Variants in NUTF2 observed in about 807,000 individuals in gnomAD.
The protein encoded by NUTF2 is placental protein 15.
NUTF2 carries 3 observed loss-of-function variants against 18.5 expected under a neutral mutation model. That is an observed-to-expected ratio of 0.16 (90% confidence interval 0.07 to 0.42). NUTF2 has a LOEUF of 0.42. Ranked by LOEUF, NUTF2 falls within the 10% of genes least tolerant of loss-of-function variation. NUTF2 has a pLI of 0.99. For missense variants in NUTF2, 44 were observed against 160.7 expected (o/e 0.27, Z 3.93); for synonymous variants, 51 against 57.9 (o/e 0.88, Z 0.54).
At chr16:67,856,003 G>T in intron 1 of NUTF2, 1 of 1,229,252 alleles carries the variant, frequency 8.1e-7, no homozygotes, top group African/African-American at 1.5e-5. Flanking sequence ...TGGTGACCTT[G>T]AGCACGTTGA....
intron 1 of NUTF2, chr16:67,855,983 C>T: frequency 8.2e-7 from 1 of 1,225,684 alleles, no homozygotes; most frequent in South Asian, 1.3e-5. Flanking sequence ...CTTCTTGGTG[C>T]CAGCGGCCTT....
Position 67,871,106 on chromosome 16 carries a change from G to T in NUTF2, c.*193G>T. The T allele has an allele frequency of 2.4e-6, 1 of 424,004 alleles. No individual in the cohort carries two copies. Among genetic ancestry groups the T allele is most frequent in the Non-Finnish European group, 4.4e-6 (1 of 228,906 alleles). 26.3% of individuals were successfully genotyped at this position (424,004 alleles called of 1,614,324 possible). On this transcript the variant is annotated 3_prime_UTR_variant, in exon 5 of 5. Coordinates refer to ENST00000219169, the MANE Select transcript of NUTF2 (RefSeq NM_005796.3). Reference sequence around the variant, plus strand: ...AGACTAGTTGCATCTGACGGGAGAAGTTTGTGTTGTACCAGCGCATGCCTT... The same window carrying T: ...AGACTAGTTGCATCTGACGGGAGAATTTTGTGTTGTACCAGCGCATGCCTT...
chr16:67,865,008 G>T (rs1256664301), intron 1 of NUTF2, 94 bp from the exon 2 acceptor site: 1 of 644,258 alleles, frequency 1.6e-6, no homozygotes, highest in Non-Finnish European at 2.8e-6. Flanking sequence ...CTCAGCAAAG[G>T]ACTCCAGGAA....
intron 1 of NUTF2, among the ~76,000 whole-genome samples, chr16:67,848,765 A>T (rs2057828930): frequency 6.6e-6 from 1 of 151,908 alleles, no homozygotes; most frequent in Admixed American, 6.6e-5. Flanking sequence ...AAGAAAAAAA[A>T]AAAAAGCAGC....
rs1208303500 is a variant in NUTF2 at position 67,871,162 on chromosome 16, CTTTTTTTT to C, written c.*264_*271del. The C allele has an allele frequency of 1.3e-5, 2 of 150,880 alleles. No homozygotes were observed. The highest frequency in any genetic ancestry group is 2.6e-5 in the Non-Finnish European group (2 of 77,718). The allele number at this position is 150,880 out of a possible 1,614,324, so 9.3% of individuals were successfully genotyped here. A position where few individuals can be genotyped will look rare whatever the true frequency, so the allele number is the denominator to read the frequency against. On this transcript the variant is annotated 3_prime_UTR_variant, in exon 5 of 5. Transcript: ENST00000219169. ...GACTTAAGTAATGCAAAAGGTTGTC[CTTTTTTTT>C]TTTTTTTTTTTTTTAATCTACTGAC...
At chr16:67,868,763 G>T in intron 4 of NUTF2, 164 bp downstream of exon 4, 1 of 586,260 alleles carries the variant, frequency 1.7e-6, no homozygotes, top group South Asian at 2.2e-5. Context: ...CATGTAGGTG[G>T]CAATTTTTAA....
At chr16:67,857,300 A>G (rs1462599692) in intron 1 of NUTF2, among the ~76,000 whole-genome samples, 1 of 152,202 alleles carries the variant, frequency 6.6e-6, no homozygotes, top group Non-Finnish European at 1.5e-5. Flanking sequence ...CTCGGGATTC[A>G]GCTGGGCCAG....
intron 1 of NUTF2, among the ~76,000 whole-genome samples, chr16:67,861,403 A>G (rs1163733959): frequency 6.6e-6 from 1 of 152,234 alleles, no homozygotes; most frequent in East Asian, 1.9e-4. Context: ...CTGTTGTCTA[A>G]CGGGATCTCC....
At chr16:67,861,923 C>T (rs2057937676) in intron 1 of NUTF2, among the ~76,000 whole-genome samples, 1 of 151,996 alleles carries the variant, frequency 6.6e-6, no homozygotes, top group South Asian at 2.1e-4. Context: ...TTTTTTTGGA[C>T]TCAAGAGTGT....
intron 1 of NUTF2, chr16:67,856,039 G>A: frequency 2.5e-6 from 2 of 794,798 alleles, no homozygotes; most frequent in Non-Finnish European, 4.4e-6. Flanking sequence ...TCAGGGGCCG[G>A]CACTCACCCA....
rs140583671 is a variant in NUTF2, at chr16:67,849,926, G to A, written c.-30+2941G>A. Among the ~76,000 whole-genome samples, 518 of 152,196 alleles carry A rather than the reference G, an allele frequency of 3.4e-3. 3 individuals are homozygous for A. The highest frequency in any genetic ancestry group is 0.011 in the African/African-American group (474 of 41,526). ...GCCCGTCTCGGCCTCCCAAAGTGCC[G>A]GGATTCCAGGCGTGAGCCACCACGT... On this transcript the variant is annotated intron_variant, in intron 1 of 4. Coordinates refer to ENST00000219169, the MANE Select transcript of NUTF2 (RefSeq NM_005796.3).
chr16:67,868,492 C>T lies in NUTF2; in HGVS notation c.172-9C>T, dbSNP rs754145594. ...TTGGTTCTCCCACCTCCCACTCTCT[C>T]TCTTGTAGAGCCTTCCGTTCCAGAA... On this transcript the variant is annotated splice_polypyrimidine_tract_variant and intron_variant, in intron 3 of 4. Coordinates refer to ENST00000219169, the MANE Select transcript of NUTF2 (RefSeq NM_005796.3). The T allele has an allele frequency of 1.2e-6, 2 of 1,614,158 alleles. No individual in the cohort carries two copies. The highest frequency in any genetic ancestry group is 8.5e-7 in the Non-Finnish European group (1 of 1,180,010).
chr16:67,858,712 G>T (rs2057914488), intron 1 of NUTF2, among the ~76,000 whole-genome samples: 1 of 152,138 alleles, frequency 6.6e-6, no homozygotes, highest in Admixed American at 6.5e-5. Flanking sequence ...GGAGGGCCAG[G>T]TCACCTAGGA....
chr16:67,865,288 C>T lies in NUTF2; in HGVS notation c.99+59C>T, dbSNP rs2057962816. Reference sequence around the variant, plus strand: ...TAGGGGATCAATTTGGATGTTGGGCCAGTGTGTCCAGTTCACAAGTTCTGG... The same window carrying T: ...TAGGGGATCAATTTGGATGTTGGGCTAGTGTGTCCAGTTCACAAGTTCTGG... On this transcript the variant is annotated intron_variant, in intron 2 of 4. Coordinates refer to ENST00000219169, the MANE Select transcript of NUTF2 (RefSeq NM_005796.3). 24 of 1,197,988 alleles carry T rather than the reference C, an allele frequency of 2.0e-5. No individual in the cohort carries two copies. In the Admixed American group the frequency reaches 3.8e-4, roughly 19 times the overall value. 74.2% of individuals were successfully genotyped at this position (1,197,988 alleles called of 1,614,324 possible).
At chr16:67,864,509 CAAAAAAA>C (rs572931294) in intron 1 of NUTF2, among the ~76,000 whole-genome samples, 6,643 of 53,098 alleles carry the variant, frequency 0.13, 506 homozygotes, top group African/African-American at 0.31. Flanking sequence ...AACTCTGTCT[CAAAAAAA>C]AAAAAAAAAA....
intron 1 of NUTF2, among the ~76,000 whole-genome samples, chr16:67,864,189 C>T (rs565935113): frequency 1.3e-5 from 2 of 152,276 alleles, no homozygotes; most frequent in East Asian, 3.9e-4. Context: ...CCCCATGAGA[C>T]TAAGGGATCA....
At chr16:67,850,521 T>C (rs938992243) in intron 1 of NUTF2, among the ~76,000 whole-genome samples, 13 of 152,030 alleles carry the variant, frequency 8.6e-5, no homozygotes, top group African/African-American at 3.1e-4. Flanking sequence ...CTGTAACCTC[T>C]TTGTCTGAGG....
At chr16:67,863,379 A>T (rs558305083) in intron 1 of NUTF2, among the ~76,000 whole-genome samples, 6 of 152,248 alleles carry the variant, frequency 3.9e-5, no homozygotes, top group Non-Finnish European at 8.8e-5. Flanking sequence ...CCTAAAATAA[A>T]GCTGGCTTAG....
At chr16:67,856,090 G>A in intron 1 of NUTF2, 1 of 591,608 alleles carries the variant, frequency 1.7e-6, no homozygotes, top group Non-Finnish European at 3.2e-6. Context: ...TGAAGAAGGT[G>A]GACAGGTGTA....
Sources: allele counts gnomAD v4.1 joint callset (sites outside exome capture counted in the v4.1 genomes callset), GRCh38; gene constraint gnomAD v4.1.1; transcripts MANE v1.5; gene names NCBI Gene and HGNC (gene_info 2026-07-23, HGNC 2026-07-21).